GABRG3: variants seen among roughly 807,000 people sequenced by gnomAD.
GABRG3 encodes the protein gamma-aminobutyric acid receptor subunit gamma-3.
In GABRG3, 25 loss-of-function variants were observed where a neutral mutation model predicts 48.8. The observed-to-expected ratio is 0.51, with a 90% CI of 0.37 to 0.72. The LOEUF is 0.72. Among genes scored for constraint, GABRG3 ranks in the 30% least tolerant of loss-of-function variants. The pLI is 0.00. For missense variants in GABRG3, 394 were observed against 577.9 expected, an observed-to-expected ratio of 0.68 and a Z score of 3.26; for synonymous variants, 227 against 217.6, an observed-to-expected ratio of 1.04 and a Z score of -0.38.
intron 2 of GABRG3, among the ~76,000 whole-genome samples, chr15:27,023,424 T>A (rs569068267): frequency 1.3e-5 from 2 of 151,538 alleles, no homozygotes; most frequent in East Asian, 4.0e-4. Context: ...AGAACTCTTT[T>A]CATCTTGCAG....
rs1595515236 is a variant in GABRG3 at position 27,086,688 on chromosome 15, T to A, written c.270+59867T>A. 3.3e-5 allele frequency among the ~76,000 whole-genome samples: 5 copies of A among 152,330 alleles called. 1 individual carries two copies. The highest frequency in any genetic ancestry group is 3.3e-4 in the Admixed American group (5 of 15,308). On this transcript the variant is annotated intron_variant, in intron 3 of 9. Transcript: ENST00000615808. ...GGCGGTTTATTTGAATTGCTGCTGC[T>A]TAGGTAAAGCATGCAAAAAACATTC...
chr15:27,212,138 G>A (rs1889099141), intron 3 of GABRG3, among the ~76,000 whole-genome samples: 1 of 152,176 alleles, frequency 6.6e-6, no homozygotes, highest in African/African-American at 2.4e-5. Flanking sequence ...CAAGTCTAGA[G>A]AAAACAAATC....
chr15:27,508,845 C>G (rs1890825999), intron 6 of GABRG3, among the ~76,000 whole-genome samples: 1 of 152,108 alleles, frequency 6.6e-6, no homozygotes, highest in Admixed American at 6.5e-5. Flanking sequence ...TCCCGAGTAG[C>G]TGGGACCACA....
chr15:27,185,577 TA>T (rs1329888279), intron 3 of GABRG3, among the ~76,000 whole-genome samples: 5 of 152,284 alleles, frequency 3.3e-5, no homozygotes, highest in African/African-American at 1.2e-4. Context: ...TAGGTCAGAT[TA>T]ATGTTCCTGA....
At chr15:27,151,786 G>A (rs995470201) in intron 3 of GABRG3, among the ~76,000 whole-genome samples, 12 of 152,140 alleles carry the variant, frequency 7.9e-5, no homozygotes, top group African/African-American at 2.7e-4. Context: ...GAAAAGGCAA[G>A]GAAACTGATT....
chr15:27,232,981 C>T (rs966679), intron 3 of GABRG3, among the ~76,000 whole-genome samples: 27,852 of 152,118 alleles, frequency 0.18, 3,580 homozygotes, highest in East Asian at 0.41. Flanking sequence ...AGCCAGAAGC[C>T]GGTAGGCTGC....
At chr15:27,393,211 G>T (rs1385610104) in intron 5 of GABRG3, among the ~76,000 whole-genome samples, 1 of 151,992 alleles carries the variant, frequency 6.6e-6, no homozygotes, top group African/African-American at 2.4e-5. Context: ...AGGCGTGGTG[G>T]CGGGTGCCTG....
chr15:27,128,665 G>C (rs542104461), intron 3 of GABRG3, among the ~76,000 whole-genome samples: 1 of 152,194 alleles, frequency 6.6e-6, no homozygotes, highest in Non-Finnish European at 1.5e-5. Context: ...CAGTTGTTTT[G>C]TTAGAACTTC....
At chr15:27,368,603 A>G (rs1271258393) in intron 5 of GABRG3, among the ~76,000 whole-genome samples, 1 of 152,030 alleles carries the variant, frequency 6.6e-6, no homozygotes, top group East Asian at 1.9e-4. Context: ...TCACAACACC[A>G]TGTAAGTTAG....
chr15:27,032,257 T>C (rs1470394118), intron 3 of GABRG3, among the ~76,000 whole-genome samples: 2 of 152,212 alleles, frequency 1.3e-5, no homozygotes, highest in East Asian at 3.8e-4. Context: ...TCTGGTGCGA[T>C]TCTCCATCTT....
intron 5 of GABRG3, among the ~76,000 whole-genome samples, chr15:27,459,736 A>G (rs777981524): frequency 6.6e-6 from 1 of 152,206 alleles, no homozygotes; most frequent in Non-Finnish European, 1.5e-5. Context: ...TTGCAATTTC[A>G]TGGTTGCGCA....
intron 3 of GABRG3, among the ~76,000 whole-genome samples, chr15:27,048,600 TGC>T (rs967371725): frequency 6.6e-6 from 1 of 152,162 alleles, no homozygotes; most frequent in Admixed American, 6.5e-5. Context: ...CCCCTGAAAC[TGC>T]CACTGGAGCT....
At chr15:27,106,787 G>A (rs868848437) in intron 3 of GABRG3, among the ~76,000 whole-genome samples, 47 of 152,090 alleles carry the variant, frequency 3.1e-4, no homozygotes, top group African/African-American at 8.9e-4. Context: ...GGAACACTCT[G>A]AATAATTTTA....
chr15:27,327,067 A>G (rs1893640861), intron 4 of GABRG3, 38 bp downstream of exon 4: 2 of 1,529,636 alleles, frequency 1.3e-6, no homozygotes, highest in South Asian at 2.3e-5. Flanking sequence ...CTCCTGGTTT[A>G]AAATGGGATC....
intron 3 of GABRG3, among the ~76,000 whole-genome samples, chr15:27,059,261 G>A (rs985891470): frequency 1.3e-5 from 2 of 152,186 alleles, no homozygotes; most frequent in Non-Finnish European, 2.9e-5. Flanking sequence ...TTTCCTTTGG[G>A]GAGAGCTGAG....
rs117755454 is a variant in GABRG3, at chr15:27,511,502, C to G, written c.713-8470C>G. ...AAAAGGAAACACTACATCACTATAC[C>G]TACCCCTGTAGCTTATAAAGATCTT... On this transcript the variant is annotated intron_variant, in intron 6 of 9. Coordinates refer to ENST00000615808, the MANE Select transcript of GABRG3 (RefSeq NM_033223.5). Among the ~76,000 whole-genome samples, 636 of 152,306 alleles carry G rather than the reference C, an allele frequency of 4.2e-3. 2 individuals are homozygous for G. Among genetic ancestry groups the G allele is most frequent in the Non-Finnish European group, 6.2e-3 (422 of 68,032 alleles).
At chr15:26,992,103 A>G (rs1269742873) in intron 2 of GABRG3, among the ~76,000 whole-genome samples, 1 of 152,224 alleles carries the variant, frequency 6.6e-6, no homozygotes, top group Non-Finnish European at 1.5e-5. Context: ...CAACTTAACT[A>G]AATTTGTCAG....
At position 27,338,168 on chromosome 15, in the gene GABRG3, G is replaced by T. The variant is rs550919066; in HGVS notation, c.574+9280G>T. On this transcript the variant is annotated intron_variant, in intron 5 of 9. Coordinates refer to ENST00000615808, the MANE Select transcript of GABRG3 (RefSeq NM_033223.5). ...AGCGCTTCAGGCTGCCCTTGAGTGGGGCCAGTCTGAAAATAAGCCCTGTCC... is the reference window on the plus strand; with the variant it reads ...AGCGCTTCAGGCTGCCCTTGAGTGGTGCCAGTCTGAAAATAAGCCCTGTCC... Among the ~76,000 whole-genome samples the T allele has an allele frequency of 3.3e-5, 5 of 152,204 alleles. No individual in the cohort carries two copies. In the South Asian group the frequency reaches 1.0e-3, roughly 32 times the overall value.
intron 7 of GABRG3, among the ~76,000 whole-genome samples, chr15:27,526,871 A>G (rs1429565246): frequency 6.6e-6 from 1 of 152,206 alleles, no homozygotes; most frequent in African/African-American, 2.4e-5. Context: ...AAGACCACAC[A>G]ATCTATCTAG....
Sources: gnomAD v4.1 joint callset for allele counts (sites outside exome capture counted in the v4.1 genomes callset) on GRCh38, gnomAD v4.1.1 for gene constraint, MANE v1.5 for transcripts, NCBI Gene and HGNC (gene_info 2026-07-23, HGNC 2026-07-21) for gene names.